The following TRAK2 variants were observed in gnomAD, a reference collection of about 807,000 sequenced individuals.
TRAK2 encodes trafficking kinesin-binding protein 2.
TRAK2 carries 81 observed loss-of-function variants against 104.6 expected under a neutral mutation model. The ratio of observed to expected loss-of-function variants is 0.77; its 90% CI spans 0.65 to 0.93. The LOEUF is 0.93. TRAK2 is among the 40% of genes least tolerant of loss of function. The pLI is 0.00. For synonymous variants in TRAK2, 406 were observed against 394.4 expected, an observed-to-expected ratio of 1.03 and a Z score of -0.35; for missense variants, 1,002 against 1,089.0, an observed-to-expected ratio of 0.92 and a Z score of 1.12.
intron 12 of TRAK2, 163 bp from the exon 13 acceptor site, chr2:201,388,164 A>G (rs1293771999): frequency 5.6e-6 from 4 of 715,682 alleles, no homozygotes; most frequent in Non-Finnish European, 7.5e-6. Flanking sequence ...AAAATCACCA[A>G]CAACACTATA....
In TRAK2 at chr2:201,423,562, T is replaced by C. The variant is rs545061434; in HGVS notation, c.-199-2856A>G. ...TCAGAACTTATTAACATTAGTGTCA[T>C]TAAAGTTGGTATATAGTCCCTCACT... On this transcript the variant is annotated intron_variant, in intron 1 of 15. Transcript: ENST00000332624. The C allele has an allele frequency of 2.6e-3, 391 of 152,262 alleles. 1 individual carries two copies. The highest frequency in any genetic ancestry group is 8.9e-3 in the African/African-American group (368 of 41,544). The allele number at this position is 152,262 out of a possible 1,614,324, so 9.4% of individuals were successfully genotyped here. A position where few individuals can be genotyped will look rare whatever the true frequency, so the allele number is the denominator to read the frequency against.
chr2:201,401,559 T>C (rs892938219), intron 3 of TRAK2, among the ~76,000 whole-genome samples: 14 of 152,128 alleles, frequency 9.2e-5, no homozygotes, highest in Admixed American at 4.6e-4. Context: ...TCATCTACCA[T>C]GTGAGCTAAT....
In TRAK2 at chr2:201,380,303, T is replaced by A; in HGVS notation, c.*240A>T. 1 of 552,536 alleles carries A rather than the reference T, an allele frequency of 1.8e-6. No homozygotes were observed. Among genetic ancestry groups the A allele is most frequent in the Non-Finnish European group, 3.2e-6 (1 of 309,462 alleles). 34.2% of individuals were successfully genotyped at this position (552,536 alleles called of 1,614,324 possible). On this transcript the variant is annotated 3_prime_UTR_variant, in exon 16 of 16. Coordinates refer to ENST00000332624, the MANE Select transcript of TRAK2 (RefSeq NM_015049.3). ...ACAAGAAAACTCAACTGAAGGAGTA[T>A]ATTAAACCTTTCTTTTCTCCCTCTG...
intron 3 of TRAK2, 97 bp downstream of exon 3, chr2:201,407,306 C>A (rs1337916448): frequency 2.1e-5 from 22 of 1,039,374 alleles, no homozygotes; most frequent in Admixed American, 1.7e-4. Context: ...ATACACTGAA[C>A]AATGGCTACT....
At chr2:201,412,012 T>TA in intron 2 of TRAK2, 3 of 1,004,202 alleles carry the variant, frequency 3.0e-6, no homozygotes, top group Non-Finnish European at 4.8e-6. Flanking sequence ...GGGTTTTGGT[T>TA]AGTAGCAAAT....
intron 15 of TRAK2, among the ~76,000 whole-genome samples, chr2:201,383,129 A>C (rs1434464128): frequency 6.6e-6 from 1 of 152,236 alleles, no homozygotes; most frequent in African/African-American, 2.4e-5. Flanking sequence ...AAATGGCATC[A>C]ATATGGCTTA....
intron 1 of TRAK2, among the ~76,000 whole-genome samples, chr2:201,422,471 T>C (rs939267241): frequency 1.3e-5 from 2 of 152,192 alleles, no homozygotes; most frequent in African/African-American, 4.8e-5. Flanking sequence ...TTCTCATGCC[T>C]GCTCTTCACA....
chr2:201,450,815 C>T (rs1225775386), intron 1 of TRAK2, among the ~76,000 whole-genome samples: 1 of 151,526 alleles, frequency 6.6e-6, no homozygotes, highest in Non-Finnish European at 1.5e-5. Flanking sequence ...TTTTGGGCTG[C>T]TACTAAAAAG....
intron 1 of TRAK2, among the ~76,000 whole-genome samples, chr2:201,436,675 T>C (rs952546496): frequency 2.6e-5 from 4 of 152,170 alleles, no homozygotes; most frequent in African/African-American, 9.7e-5. Flanking sequence ...AAAACACAAA[T>C]TTGCTTTTGG....
In TRAK2 at chr2:201,386,462, C is replaced by A; in HGVS notation, c.1719G>T (p.Trp573Cys). 1 of 1,614,086 alleles carries A rather than the reference C, an allele frequency of 6.2e-7. No homozygotes were observed. Among genetic ancestry groups the A allele is most frequent in the Non-Finnish European group, 8.5e-7 (1 of 1,179,988 alleles). ...CCAAGTTTGGTTGAGCAAGCTGCTG[C>A]CAGTGATACAGAGTTTGTGATCCTG... ...PLEGSQTLYH[W>C]QQLAQPNLGT... is the part of the protein sequence containing the mutation. Residue 573 changes from tryptophan (W) to cysteine (C), a missense_variant, in exon 14 of 16, where the codon TGG (tryptophan) becomes TGT (cysteine). By Grantham distance (215) the Trp-to-Cys change is radical. Coordinates refer to ENST00000332624, the MANE Select transcript of TRAK2 (RefSeq NM_015049.3).
intron 14 of TRAK2, 135 bp downstream of exon 14, chr2:201,386,083 C>T (rs1436582824): frequency 4.3e-6 from 4 of 928,142 alleles, no homozygotes; most frequent in East Asian, 5.2e-5. Flanking sequence ...GCCACTAATG[C>T]TATAGATTTT....
intron 13 of TRAK2, 36 bp downstream of exon 13, chr2:201,387,666 TC>T (rs759421692): frequency 6.6e-7 from 1 of 1,516,684 alleles, no homozygotes; most frequent in South Asian, 1.3e-5. Context: ...TTCCAGTAAG[TC>T]ACATGGCTTA....
chr2:201,444,637 G>C (rs1045768278), intron 1 of TRAK2, among the ~76,000 whole-genome samples: 1 of 149,140 alleles, frequency 6.7e-6, no homozygotes, highest in Non-Finnish European at 1.5e-5. Context: ...CACATAAATT[G>C]TAATAATATA....
chr2:201,432,704 C>T (rs1951851790), intron 1 of TRAK2, among the ~76,000 whole-genome samples: 1 of 152,176 alleles, frequency 6.6e-6, no homozygotes, highest in South Asian at 2.1e-4. Flanking sequence ...AAATATCTTG[C>T]TACTTCCTTA....
At position 201,380,905 on chromosome 2, in the gene TRAK2, G is replaced by A. The variant is rs1559435213; in HGVS notation, c.2383C>T (p.Arg795Ter). ...AAAAAATTTTCAGAGAGATGCACTC[G>A]AGGCTCAAAGGGTAAAGGAGAAGGG... is the stretch of plus-strand genomic sequence containing the variant. ...PCPSPLPFEPRVHLSENFLAS... is the reference protein window; with the variant it reads ...PCPSPLPFEP Residue 795 changes from arginine (R) to a stop codon, truncating the protein, a stop_gained, in exon 16 of 16, where the codon CGA (arginine) becomes TGA (stop). Transcript: ENST00000332624. LOFTEE classifies it high-confidence loss of function. 6.8e-6 allele frequency: 11 copies of A among 1,614,082 alleles called. No homozygotes were observed. Among genetic ancestry groups the A allele is most frequent in the Middle Eastern group, 1.6e-4 (1 of 6,062 alleles).
chr2:201,423,037 C>CCACACACA (rs142826543), intron 1 of TRAK2, among the ~76,000 whole-genome samples: 5,425 of 134,142 alleles, frequency 0.04, 190 homozygotes, highest in Non-Finnish European at 0.047. Context: ...AACACCACCA[C>CCACACACA]CACACACACA....
At chr2:201,446,820 G>A (rs1018131438) in intron 1 of TRAK2, among the ~76,000 whole-genome samples, 3 of 152,214 alleles carry the variant, frequency 2.0e-5, no homozygotes, top group Non-Finnish European at 2.9e-5. Flanking sequence ...TCACTTTTTA[G>A]AGTGGAAAAA....
intron 1 of TRAK2, among the ~76,000 whole-genome samples, chr2:201,425,728 A>AG (rs34174535): frequency 0.59 from 88,835 of 151,112 alleles, 26,420 homozygotes; most frequent in Non-Finnish European, 0.65. Flanking sequence ...TTTTTTTTAA[A>AG]TAATGTTATA....
chr2:201,391,849 G>A (rs1951450900), intron 10 of TRAK2, among the ~76,000 whole-genome samples: 1 of 152,110 alleles, frequency 6.6e-6, no homozygotes, highest in Admixed American at 6.5e-5. Context: ...CAAAAGTCAC[G>A]AAAGAGAAAT....
Sources: allele counts gnomAD v4.1 joint callset (sites outside exome capture counted in the v4.1 genomes callset), GRCh38; gene constraint gnomAD v4.1.1; transcripts MANE v1.5; gene names NCBI Gene and HGNC (gene_info 2026-07-23, HGNC 2026-07-21).